The following PCSK5 variants were observed in gnomAD, a reference collection of about 807,000 sequenced individuals.
PCSK5 encodes prohormone convertase 5.
Under a neutral mutation model 233.2 loss-of-function variants are expected in PCSK5, and 129 were observed. The ratio of observed to expected loss-of-function variants is 0.55; its 90% CI spans 0.48 to 0.64. PCSK5 has a LOEUF of 0.64. Among genes scored for constraint, PCSK5 ranks in the 30% least tolerant of loss-of-function variants. The pLI is 0.00. For synonymous variants in PCSK5, 825 were observed against 879.2 expected (o/e 0.94, Z 1.09); for missense variants, 2,076 against 2,430.1 (o/e 0.85, Z 3.06).
chr9:75,958,272 A>G (rs1825182392), intron 2 of PCSK5, among the ~76,000 whole-genome samples: 1 of 152,202 alleles, frequency 6.6e-6, no homozygotes, highest in Admixed American at 6.5e-5. Context: ...CAGGCCTAGA[A>G]TAAACTCAGC....
rs1828401227 is a variant in PCSK5 at position 76,295,283 on chromosome 9, A to C, written c.3194A>C (p.His1065Pro). Residue 1065 changes from histidine (H) to proline (P), a missense_variant, in exon 26 of 38, where the codon CAC becomes CCC. Around this residue, in one of 6 missense-constraint regions of PCSK5, gnomAD observed 1,510 missense variants for 1,538.1 expected, o/e 0.98. Transcript: ENST00000674117. ...ATGTCTTCTTCCTCTAGGTTTGATCACCATTGTTATAAAACCTGTCCTGAG... is the reference window on the plus strand; with the variant it reads ...ATGTCTTCTTCCTCTAGGTTTGATCCCCATTGTTATAAAACCTGTCCTGAG... ...SCAMGYYRFD[H>P]HCYKTCPEKT... 1.2e-6 allele frequency: 2 copies of C among 1,609,940 alleles called. No individual in the cohort carries two copies. Among genetic ancestry groups the C allele is most frequent in the African/African-American group, 2.7e-5 (2 of 74,832 alleles).
chr9:75,891,074 G>GCGGCCCGGGGCTGCGAGCTGCGC lies in PCSK5; in HGVS notation c.-94_-93insGAGCTGCGCCGGCCCGGGGCTGC. 9.5e-7 allele frequency: 1 copy of GCGGCCCGGGGCTGCGAGCTGCGC among 1,052,944 alleles called. No homozygotes were observed. 65.2% of individuals were successfully genotyped at this position (1,052,944 alleles called of 1,614,324 possible). On this transcript the variant is annotated 5_prime_UTR_variant, in exon 1 of 38. Coordinates refer to ENST00000674117, the MANE Select transcript of PCSK5 (RefSeq NM_001372043.1). ...CGATCGCCCGGGGCTGCGAGCTGCG[G>GCGGCCCGGGGCTGCGAGCTGCGC]CGGCCCGGGGCTGCTCGCCGGGCGG... is the stretch of plus-strand genomic sequence containing the variant.
At chr9:76,286,535 G>A (rs765956579) in intron 24 of PCSK5, 1 of 155,646 alleles carries the variant, frequency 6.4e-6, no homozygotes, top group Non-Finnish European at 1.5e-5. Context: ...CCATCTCTGA[G>A]GGTCCTGAGA....
intron 3 of PCSK5, among the ~76,000 whole-genome samples, chr9:75,999,556 A>T (rs997790449): frequency 6.6e-6 from 1 of 152,260 alleles, no homozygotes; most frequent in African/African-American, 2.4e-5. Context: ...TGCAGCAGGA[A>T]CATGCCCTTA....
chr9:76,214,135 A>G (rs1238354722), intron 20 of PCSK5, among the ~76,000 whole-genome samples: 1 of 152,102 alleles, frequency 6.6e-6, no homozygotes, highest in Non-Finnish European at 1.5e-5. Context: ...AGTTTTCTTG[A>G]TAGTTGATGT....
chr9:76,126,461 A>G (rs1399789866), intron 9 of PCSK5, among the ~76,000 whole-genome samples: 1 of 152,138 alleles, frequency 6.6e-6, no homozygotes, highest in Non-Finnish European at 1.5e-5. Flanking sequence ...TAAAAATACA[A>G]AATTAGCTAG....
chr9:75,912,391 TG>T (rs1170911321), intron 1 of PCSK5, among the ~76,000 whole-genome samples: 1 of 152,026 alleles, frequency 6.6e-6, no homozygotes, highest in African/African-American at 2.4e-5. Context: ...GGAGAGGCAA[TG>T]GGAGTGGGTC....
At chr9:76,246,909 C>T (rs370417735) in intron 24 of PCSK5, among the ~76,000 whole-genome samples, 6 of 152,234 alleles carry the variant, frequency 3.9e-5, no homozygotes, top group South Asian at 2.1e-4. Flanking sequence ...GGCGGCAGGC[C>T]GCTTCCAAAA....
chr9:75,905,337 T>G (rs1036127394), intron 1 of PCSK5, among the ~76,000 whole-genome samples: 2 of 151,994 alleles, frequency 1.3e-5, no homozygotes, highest in Non-Finnish European at 2.9e-5. Flanking sequence ...AGTGACACCT[T>G]CTGGTCTCTA....
chr9:75,961,331 G>T (rs1288697002), intron 2 of PCSK5, among the ~76,000 whole-genome samples: 1 of 152,300 alleles, frequency 6.6e-6, no homozygotes, highest in Non-Finnish European at 1.5e-5. Flanking sequence ...TCAGTCAATT[G>T]GTGCCAAGAG....
intron 10 of PCSK5, among the ~76,000 whole-genome samples, chr9:76,155,508 T>C (rs1025724632): frequency 2.0e-5 from 3 of 152,112 alleles, no homozygotes; most frequent in Admixed American, 6.5e-5. Context: ...TAAAAAGACA[T>C]ATGCTGACAG....
chr9:76,230,300 G>C (rs1270142380), intron 21 of PCSK5, among the ~76,000 whole-genome samples: 1 of 152,164 alleles, frequency 6.6e-6, no homozygotes, highest in South Asian at 2.1e-4. Context: ...CTATGCTTTT[G>C]TTAGGGTGGA....
At chr9:76,345,001 TG>T (rs1432266446) in intron 35 of PCSK5, among the ~76,000 whole-genome samples, 2 of 152,142 alleles carry the variant, frequency 1.3e-5, no homozygotes, top group Non-Finnish European at 2.9e-5. Flanking sequence ...ATTTTAGAAT[TG>T]GGGGTATATG....
intron 1 of PCSK5, among the ~76,000 whole-genome samples, chr9:75,908,917 A>ATCTATCTATCTC (rs1822555390): frequency 4.3e-5 from 5 of 116,572 alleles, no homozygotes; most frequent in African/African-American, 9.1e-5. Context: ...CTATCTATCT[A>ATCTATCTATCTC]TCTATCTCTC....
chr9:76,224,674 G>T (rs1825831626), intron 20 of PCSK5, among the ~76,000 whole-genome samples: 1 of 152,140 alleles, frequency 6.6e-6, no homozygotes, highest in African/African-American at 2.4e-5. Flanking sequence ...TGGAGATGGG[G>T]TAATCTTTTG....
intron 5 of PCSK5, 54 bp from the exon 6 acceptor site, chr9:76,067,901 G>A: frequency 7.1e-7 from 1 of 1,417,076 alleles, no homozygotes; most frequent in Non-Finnish European, 1.0e-6. Flanking sequence ...TGACGCGTTG[G>A]CTTTGTGAGA....
intron 24 of PCSK5, among the ~76,000 whole-genome samples, chr9:76,244,720 A>C (rs929792776): frequency 2.0e-5 from 3 of 152,156 alleles, no homozygotes; most frequent in African/African-American, 4.8e-5. Flanking sequence ...ATTCCAAGGA[A>C]AGATTACCAA....
intron 5 of PCSK5, among the ~76,000 whole-genome samples, chr9:76,045,304 A>G (rs1246168201): frequency 2.6e-5 from 4 of 152,202 alleles, no homozygotes; most frequent in Non-Finnish European, 5.9e-5. Flanking sequence ...CTTCATCCTG[A>G]TGCAAGAGAA....
At chr9:76,065,064 G>A (rs1830235667) in intron 5 of PCSK5, among the ~76,000 whole-genome samples, 1 of 152,196 alleles carries the variant, frequency 6.6e-6, no homozygotes, top group Non-Finnish European at 1.5e-5. Context: ...TCTGTTGATG[G>A]ACACTTATCT....
Sources: allele counts gnomAD v4.1 joint callset (sites outside exome capture counted in the v4.1 genomes callset), GRCh38; gene constraint gnomAD v4.1.1; regional missense constraint gnomAD v4.1.1; transcripts MANE v1.5; gene names NCBI Gene and HGNC (gene_info 2026-07-23, HGNC 2026-07-21).